COL4A4: variants seen among roughly 807,000 people sequenced by gnomAD.
The protein encoded by COL4A4 is collagen alpha-4(IV) chain.
A neutral mutation model predicts 192.9 loss-of-function variants in COL4A4; 105 were observed. The observed-to-expected ratio is 0.54, with a 90% CI of 0.46 to 0.64. COL4A4 has a LOEUF of 0.64. Among genes scored for constraint, COL4A4 ranks in the 30% least tolerant of loss-of-function variants. The pLI is 0.00. For synonymous variants in COL4A4, 762 were observed against 769.9 expected (o/e 0.99, Z 0.17); for missense variants, 1,967 against 2,169.3 (o/e 0.91, Z 1.85).
At chr2:227,144,442 G>A in intron 3 of COL4A4, 74 bp downstream of exon 3, 1 of 1,319,306 alleles carries the variant, frequency 7.6e-7, no homozygotes, top group Non-Finnish European at 1.1e-6. Flanking sequence ...TGATTTCTTT[G>A]AAAGTATAAC....
chr2:227,128,866 C>T (rs1444828308), intron 4 of COL4A4, among the ~76,000 whole-genome samples: 1 of 152,082 alleles, frequency 6.6e-6, no homozygotes, highest in Non-Finnish European at 1.5e-5. Context: ...GGTGTCATTG[C>T]TTTCACCAAC....
chr2:227,102,750 T>A, intron 15 of COL4A4, 39 bp downstream of exon 15: 1 of 1,550,140 alleles, frequency 6.5e-7, no homozygotes, highest in South Asian at 1.1e-5. Context: ...AAGAGAAATA[T>A]CTCCAAATTC....
At chr2:226,988,368 T>G in the COL4A4 span, 1 of 1,550,412 alleles carries the variant, frequency 6.4e-7, no homozygotes, top group Non-Finnish European at 8.7e-7. Context: ...GCAAGTCTCC[T>G]GGACCCCAAG....
Position 227,004,385 on chromosome 2 carries a change from A to G in COL4A4, c.*2940T>C, listed in dbSNP as rs1475032835. ...GTGTCTGCAGAGCTGCACACAGTTC[A>G]TCATGACAGGAAATACTCCTAGAGG... On this transcript the variant is annotated 3_prime_UTR_variant, in exon 48 of 48. Transcript: ENST00000396625. 6.6e-6 allele frequency: 1 copy of G among 152,318 alleles called. No individual in the cohort carries two copies. The highest frequency in any genetic ancestry group is 1.5e-5 in the Non-Finnish European group (1 of 68,120). The allele number at this position is 152,318 out of a possible 1,614,324, so 9.4% of individuals were successfully genotyped here.
intron 44 of COL4A4, among the ~76,000 whole-genome samples, chr2:227,013,447 C>T (rs1016611199): frequency 2.0e-4 from 31 of 152,132 alleles, no homozygotes; most frequent in Non-Finnish European, 2.5e-4. Flanking sequence ...TTAGGCTGGG[C>T]CCTAATCCAG....
intron 4 of COL4A4, among the ~76,000 whole-genome samples, chr2:227,135,298 A>T (rs2062742441): frequency 6.6e-6 from 1 of 152,098 alleles, no homozygotes; most frequent in Admixed American, 6.5e-5. Context: ...CCCGAAAAAG[A>T]TCAAGGAGGT....
chr2:226,988,370 G>A, the COL4A4 span: 1 of 1,550,176 alleles, frequency 6.5e-7, no homozygotes, highest in African/African-American at 1.4e-5. Context: ...AAGTCTCCTG[G>A]ACCCCAAGAT....
In COL4A4 at chr2:227,060,207, C is replaced by T; in HGVS notation, c.2093G>A (p.Gly698Glu). ...TTTATGCCCATCTGAACCACTCAGC[C>T]CAGGGGCACCTTGGGGACCTGGAAA... ...KGFPGPQGAP[G>E]LSGSDGHKGR... Residue 698 changes from glycine (G) to glutamate (E), a missense_variant, in exon 27 of 48, where the codon GGG (glycine) becomes GAG (glutamate). Physicochemically the swap from Gly to Glu is moderately conservative, Grantham distance 98. Transcript: ENST00000396625. The T allele has an allele frequency of 6.2e-7, 1 of 1,612,942 alleles. No individual in the cohort carries two copies. The highest frequency in any genetic ancestry group is 8.5e-7 in the Non-Finnish European group (1 of 1,179,768).
intron 20 of COL4A4, among the ~76,000 whole-genome samples, chr2:227,091,664 G>A (rs1347472238): frequency 6.6e-6 from 1 of 151,964 alleles, no homozygotes; most frequent in South Asian, 2.1e-4. Context: ...GAGGCCAAAG[G>A]GGGCAGATCA....
At chr2:227,029,704 A>G (rs985896953) in intron 41 of COL4A4, among the ~76,000 whole-genome samples, 1 of 152,232 alleles carries the variant, frequency 6.6e-6, no homozygotes, top group Non-Finnish European at 1.5e-5. Context: ...AGCTTCTTTG[A>G]ACCTAAAAAT....
rs1961656912 is a variant in COL4A4, at chr2:227,004,484, C to T, written c.*2841G>A. The T allele has an allele frequency of 6.6e-6, 1 of 152,234 alleles. No individual in the cohort carries two copies. 9.4% of individuals were successfully genotyped at this position (152,234 alleles called of 1,614,324 possible). The stretch of plus-strand genomic sequence containing the variant: ...TTGGACTTCATGGGCAGCGGAGTCA[C>T]AGAAGGATTCTAATCCAGAGGGTGA... On this transcript the variant is annotated 3_prime_UTR_variant, in exon 48 of 48. Coordinates refer to ENST00000396625, the MANE Select transcript of COL4A4 (RefSeq NM_000092.5).
chr2:227,060,098 G>GAA, intron 27 of COL4A4, 38 bp downstream of exon 27: 1 of 454,674 alleles, frequency 2.2e-6, no homozygotes, highest in Admixed American at 6.6e-5. Context: ...TATTCCCAAA[G>GAA]CAGAAAAAAA....
chr2:227,045,967 T>TTA lies in COL4A4; in HGVS notation c.3289+1506_3289+1507dup, dbSNP rs1156299053. On this transcript the variant is annotated intron_variant, in intron 35 of 47. Coordinates refer to ENST00000396625, the MANE Select transcript of COL4A4 (RefSeq NM_000092.5). ...TGTATATATGTATATATGTATATAT[T>TTA]TATATGTGTATATGTATATATTTAG... is the stretch of plus-strand genomic sequence containing the variant. Among the ~76,000 whole-genome samples the TTA allele has an allele frequency of 7.4e-3, 254 of 34,314 alleles. 35 individuals are homozygous for TTA. The highest frequency in any genetic ancestry group is 0.056 in the Middle Eastern group (4 of 72). The allele number at this position is 34,314 out of a possible 152,430, so 22.5% of individuals were successfully genotyped here.
chr2:227,043,239 A>G (rs1971814480), intron 35 of COL4A4, 55 bp from the exon 36 acceptor site: 1 of 1,433,346 alleles, frequency 7.0e-7, no homozygotes, highest in Non-Finnish European at 9.8e-7. Context: ...TGAATCTTTA[A>G]AATCACCAAG....
Position 227,103,576 on chromosome 2 carries a change from T to A in COL4A4, c.817-379A>T, listed in dbSNP as rs534785591. On this transcript the variant is annotated intron_variant, in intron 13 of 47. Coordinates refer to ENST00000396625, the MANE Select transcript of COL4A4 (RefSeq NM_000092.5). The stretch of plus-strand genomic sequence containing the variant: ...TGGTAGCTGACAGAGGAATTAATAT[T>A]TGCCAAGAATCTATTACGGCCCAGT... 3.3e-5 allele frequency among the ~76,000 whole-genome samples: 5 copies of A among 152,314 alleles called. No homozygotes were observed. The East Asian group carries it at 9.6e-4, about 29-fold the overall frequency.
At chr2:227,130,670 G>T (rs73082250) in intron 4 of COL4A4, among the ~76,000 whole-genome samples, 1 of 151,818 alleles carries the variant, frequency 6.6e-6, no homozygotes, top group Non-Finnish European at 1.5e-5. Context: ...CAATCCCTCC[G>T]TGTCCCTCCC....
chr2:227,027,492 G>A (rs912914461), intron 42 of COL4A4, among the ~76,000 whole-genome samples: 2 of 140,326 alleles, frequency 1.4e-5, no homozygotes, highest in Admixed American at 7.2e-5. Flanking sequence ...TGGGAGGAGG[G>A]GGGAGGGGGG....
rs1489351299 is a variant in COL4A4, at chr2:227,030,449, G to A, written c.3967C>T (p.Gln1323Ter). 2 of 1,614,090 alleles carry A rather than the reference G, an allele frequency of 1.2e-6. No homozygotes were observed. Among genetic ancestry groups the A allele is most frequent in the East Asian group, 2.2e-5 (1 of 44,874 alleles). Residue 1323 changes from glutamine (Q) to a stop codon, truncating the protein, a stop_gained, in exon 41 of 48, where the codon CAG (glutamine) becomes TAG (stop). Coordinates refer to ENST00000396625, the MANE Select transcript of COL4A4 (RefSeq NM_000092.5). LOFTEE classifies it high-confidence loss of function. Reference protein sequence around the residue: ...GFPGCDGKDGQKGPVGFPGPQ... With the variant: ...GFPGCDGKDG ...AACGGAACAACATTCATACCTTTCT[G>A]GCCATCTTTTCCATCACATCCTGGA... is the stretch of plus-strand genomic sequence containing the variant.
intron 44 of COL4A4, among the ~76,000 whole-genome samples, chr2:227,012,599 A>T (rs1963989237): frequency 7.3e-6 from 1 of 136,720 alleles, no homozygotes; most frequent in Admixed American, 8.1e-5. Flanking sequence ...ACAGGTTTTC[A>T]CATTTTCTTC....
Sources: gnomAD v4.1 joint callset for allele counts (sites outside exome capture counted in the v4.1 genomes callset) on GRCh38, gnomAD v4.1.1 for gene constraint, MANE v1.5 for transcripts, NCBI Gene and HGNC (gene_info 2026-07-23, HGNC 2026-07-21) for gene names.